Variants in MYO1B observed in about 807,000 individuals in gnomAD.
MYO1B encodes the protein myosin IB, also known as unconventional myosin-Ib.
MYO1B carries 72 observed loss-of-function variants against 159.7 expected under a neutral mutation model. The observed-to-expected ratio is 0.45, with a 90% CI of 0.37 to 0.55. The LOEUF (loss-of-function observed/expected upper bound fraction) is 0.55. Ranked by LOEUF, MYO1B falls within the 20% of genes least tolerant of loss-of-function variation. MYO1B has a pLI of 0.00. For missense variants in MYO1B, 1,062 were observed against 1,364.8 expected (o/e 0.78, Z 3.50); for synonymous variants, 468 against 473.8 (o/e 0.99, Z 0.16).
At chr2:191,402,240 G>C (rs1456069316) in intron 23 of MYO1B, 5 of 203,872 alleles carry the variant, frequency 2.5e-5, no homozygotes, top group African/African-American at 1.2e-4. Flanking sequence ...CCAATGTGCT[G>C]TCAGCAAAGG....
At chr2:191,398,604 C>G (rs568910899) in intron 21 of MYO1B, among the ~76,000 whole-genome samples, 10 of 150,828 alleles carry the variant, frequency 6.6e-5, no homozygotes, top group African/African-American at 2.2e-4. Flanking sequence ...TGCGGCCCAG[C>G]AGAGGCGCTC....
At chr2:191,369,740 G>T in intron 12 of MYO1B, 112 bp downstream of exon 12, 2 of 790,352 alleles carry the variant, frequency 2.5e-6, no homozygotes, top group South Asian at 3.5e-5. Flanking sequence ...CACTTACAAA[G>T]ATTATTCCTT....
intron 30 of MYO1B, among the ~76,000 whole-genome samples, chr2:191,420,105 G>A (rs1219219772): frequency 6.6e-6 from 1 of 152,160 alleles, no homozygotes; most frequent in Non-Finnish European, 1.5e-5. Flanking sequence ...AGGAGGCTGA[G>A]GTGGGAGAAT....
chr2:191,400,644 C>A, intron 22 of MYO1B, 105 bp from the exon 23 acceptor site: 1 of 1,395,630 alleles, frequency 7.2e-7, no homozygotes, highest in Non-Finnish European at 9.9e-7. Flanking sequence ...TTGCGTTTAC[C>A]ATTTGGTGGT....
rs553600934 is a variant in MYO1B, at chr2:191,425,325, T to A, written c.*1365T>A. 20 of 152,308 alleles carry A rather than the reference T, an allele frequency of 1.3e-4. No individual in the cohort carries two copies. The highest frequency in any genetic ancestry group is 4.8e-4 in the African/African-American group (20 of 41,576). 9.4% of individuals were successfully genotyped at this position (152,308 alleles called of 1,614,324 possible). A position where few individuals can be genotyped will look rare whatever the true frequency, so the allele number is the denominator to read the frequency against. On this transcript the variant is annotated 3_prime_UTR_variant, in exon 31 of 31. Coordinates refer to ENST00000392318, the MANE Select transcript of MYO1B (RefSeq NM_001130158.3). ...ACCAGAAACATTAATTGAAAATATT[T>A]TCTGGGGATTTTCTCTTGACTTGTA...
intron 5 of MYO1B, among the ~76,000 whole-genome samples, chr2:191,342,311 G>A (rs1395055068): frequency 6.6e-6 from 1 of 152,110 alleles, no homozygotes; most frequent in African/African-American, 2.4e-5. Context: ...CACCCGTCAT[G>A]ACCACATCTC....
chr2:191,357,273 T>C (rs1018986795), intron 7 of MYO1B, among the ~76,000 whole-genome samples: 12 of 152,220 alleles, frequency 7.9e-5, no homozygotes, highest in Non-Finnish European at 1.2e-4. Context: ...GTCTCTGACA[T>C]GCACAGGCAC....
At chr2:191,295,584 T>C (rs73058687) in intron 2 of MYO1B, among the ~76,000 whole-genome samples, 2,190 of 152,288 alleles carry the variant, frequency 0.014, 52 homozygotes, top group African/African-American at 0.05. Flanking sequence ...GCTCTGATAC[T>C]GAATTGAACG....
At chr2:191,360,574 C>A in intron 7 of MYO1B, 57 bp from the exon 8 acceptor site, 3 of 1,057,984 alleles carry the variant, frequency 2.8e-6, no homozygotes, top group Non-Finnish European at 2.8e-6. Context: ...GGAAAAAAAG[C>A]ATGGTGGATT....
At chr2:191,287,471 A>T (rs1269317368) in intron 2 of MYO1B, among the ~76,000 whole-genome samples, 1 of 151,948 alleles carries the variant, frequency 6.6e-6, no homozygotes, top group East Asian at 1.9e-4. Flanking sequence ...TGGAGGTTGC[A>T]GTGAGCCAAG....
chr2:191,356,202 G>A lies in MYO1B; in HGVS notation c.563-4429G>A, dbSNP rs577798559. On this transcript the variant is annotated intron_variant, in intron 7 of 30. Transcript: ENST00000392318. ...ATTGAGGTGAAATAGAAGACTTCCT[G>A]TCTATGGGTCAGTTCTCAGTAGTGA... Among the ~76,000 whole-genome samples, 11 of 152,256 alleles carry A rather than the reference G, an allele frequency of 7.2e-5. No homozygotes were observed. In the South Asian group the frequency reaches 1.7e-3, roughly 23 times the overall value.
intron 3 of MYO1B, among the ~76,000 whole-genome samples, chr2:191,323,566 G>A (rs908967769): frequency 6.6e-6 from 1 of 152,126 alleles, no homozygotes; most frequent in Non-Finnish European, 1.5e-5. Context: ...GTGAAACGTG[G>A]TATATGTTGA....
intron 23 of MYO1B, chr2:191,402,216 A>G (rs1376598348): frequency 1.1e-5 from 2 of 183,520 alleles, no homozygotes; most frequent in Admixed American, 1.1e-4. Flanking sequence ...TCAGGAGTGC[A>G]TAGCTTCTTC....
intron 5 of MYO1B, among the ~76,000 whole-genome samples, chr2:191,345,009 C>T (rs993045007): frequency 3.9e-5 from 6 of 152,132 alleles, no homozygotes; most frequent in Non-Finnish European, 7.4e-5. Context: ...GCCCGTAGTT[C>T]TCATTTGAAC....
At chr2:191,322,481 T>C (rs902377220) in intron 3 of MYO1B, among the ~76,000 whole-genome samples, 1 of 152,070 alleles carries the variant, frequency 6.6e-6, no homozygotes, top group Non-Finnish European at 1.5e-5. Flanking sequence ...GAAGGAAAGG[T>C]GCTTATTTTG....
At chr2:191,376,256 A>G (rs997820607) in intron 13 of MYO1B, among the ~76,000 whole-genome samples, 2 of 152,124 alleles carry the variant, frequency 1.3e-5, no homozygotes, top group South Asian at 2.1e-4. Context: ...AAAGGAGACT[A>G]TTTCATATTA....
chr2:191,326,825 A>G (rs1691129685), intron 3 of MYO1B, among the ~76,000 whole-genome samples: 1 of 140,302 alleles, frequency 7.1e-6, no homozygotes, highest in Non-Finnish European at 1.6e-5. Context: ...TGCGCGCGCC[A>G]TATATGTTAC....
At chr2:191,378,014 G>A (rs10931498) in intron 13 of MYO1B, 124,170 of 152,020 alleles carry the variant, frequency 0.82, 54,541 homozygotes, top group Non-Finnish European at 0.98. Context: ...TTTTTTTGGC[G>A]GGGAGGGGGC....
chr2:191,270,246 C>G (rs758274453), intron 1 of MYO1B, among the ~76,000 whole-genome samples: 1 of 152,136 alleles, frequency 6.6e-6, no homozygotes, highest in Non-Finnish European at 1.5e-5. Flanking sequence ...CAAAAGGATT[C>G]TAATAAGTTC....
Sources: allele counts gnomAD v4.1 joint callset (sites outside exome capture counted in the v4.1 genomes callset), GRCh38; gene constraint gnomAD v4.1.1; transcripts MANE v1.5; gene names NCBI Gene and HGNC (gene_info 2026-07-23, HGNC 2026-07-21).